ABLIM2: variants seen among roughly 807,000 people sequenced by gnomAD.
ABLIM2 encodes the protein actin-binding LIM protein 2.
In ABLIM2, 53 loss-of-function variants were observed where a neutral mutation model predicts 97.7. The observed-to-expected ratio is 0.54, with a 90% confidence interval of 0.44 to 0.68. The LOEUF (loss-of-function observed/expected upper bound fraction) is 0.68, where lower values mean the gene tolerates loss of function less well. Among genes scored for constraint, ABLIM2 ranks in the 30% least tolerant of loss-of-function variants. The pLI is 0.00. For synonymous variants in ABLIM2, 361 were observed against 345.8 expected, an observed-to-expected ratio of 1.04 and a Z score of -0.49; for missense variants, 835 against 867.2, an observed-to-expected ratio of 0.96 and a Z score of 0.47.
chr4:8,105,768 A>G (rs969874087), intron 2 of ABLIM2, among the ~76,000 whole-genome samples: 2 of 152,178 alleles, frequency 1.3e-5, no homozygotes, highest in Admixed American at 6.5e-5. Context: ...GACATCCATC[A>G]AATTGGTTTG....
chr4:8,115,124 G>A (rs780910172), intron 1 of ABLIM2, among the ~76,000 whole-genome samples: 112 of 152,164 alleles, frequency 7.4e-4, no homozygotes, highest in Non-Finnish European at 1.4e-3. Flanking sequence ...GGGCTTGTGT[G>A]CAGATGTGTG....
At chr4:8,109,087 G>A (rs1839006101) in intron 1 of ABLIM2, among the ~76,000 whole-genome samples, 2 of 152,270 alleles carry the variant, frequency 1.3e-5, no homozygotes, top group Non-Finnish European at 2.9e-5. Flanking sequence ...CCCGTGGAAG[G>A]AAGGGAGGCC....
At chr4:8,038,441 C>T (rs962170308) in intron 9 of ABLIM2, among the ~76,000 whole-genome samples, 2 of 152,148 alleles carry the variant, frequency 1.3e-5, no homozygotes, top group African/African-American at 4.8e-5. Context: ...CAATGTAAGC[C>T]CTCATTATGG....
chr4:7,978,431 T>C (rs1735303890), intron 20 of ABLIM2, among the ~76,000 whole-genome samples: 1 of 152,210 alleles, frequency 6.6e-6, no homozygotes, highest in Admixed American at 6.5e-5. Flanking sequence ...ATTTTACAAT[T>C]TTCATGTTGT....
At position 8,029,522 on chromosome 4, in the gene ABLIM2, C is replaced by T. The variant is rs563200691; in HGVS notation, c.1168+134G>A. 2.4e-5 allele frequency: 29 copies of T among 1,193,872 alleles called. No individual in the cohort carries two copies. In the Admixed American group the frequency reaches 9.7e-4, roughly 40 times the overall value. 74.0% of individuals were successfully genotyped at this position (1,193,872 alleles called of 1,614,324 possible). On this transcript the variant is annotated intron_variant, in intron 11 of 20. Coordinates refer to ENST00000447017, the MANE Select transcript of ABLIM2 (RefSeq NM_001130083.2). ...TCAGCCACCCACCCGCTGGCAATCC[C>T]ACCCATTTCCATCATATTTCCAGTT...
At chr4:8,007,861 G>T in intron 16 of ABLIM2, 198 bp downstream of exon 16, 1 of 1,383,792 alleles carries the variant, frequency 7.2e-7, no homozygotes, top group African/African-American at 1.5e-5. Flanking sequence ...ACACTGGCTC[G>T]GGGACAGTTC....
At chr4:8,008,525 G>T (rs1304701684) in intron 15 of ABLIM2, among the ~76,000 whole-genome samples, 1 of 152,204 alleles carries the variant, frequency 6.6e-6, no homozygotes, top group East Asian at 1.9e-4. Context: ...CCAGCCTCGG[G>T]CTCTCCCTAT....
Position 8,032,761 on chromosome 4 carries a change from A to C in ABLIM2, c.1048-2985T>G, listed in dbSNP as rs1387062296. Reference sequence around the variant, plus strand: ...GAGGGCAGTTCCGTGACTGGCAGGCAACACAGGCGCAAACACCCACACAGA... The same window carrying C: ...GAGGGCAGTTCCGTGACTGGCAGGCCACACAGGCGCAAACACCCACACAGA... On this transcript the variant is annotated intron_variant, in intron 10 of 20. Coordinates refer to ENST00000447017, the MANE Select transcript of ABLIM2 (RefSeq NM_001130083.2). This position sits in a 1 kb window ranked among gnomAD's most constrained non-coding sequence, Gnocchi z 4.3. The C allele has an allele frequency of 2.7e-6, 4 of 1,480,150 alleles. No individual in the cohort carries two copies. Among genetic ancestry groups the C allele is most frequent in the Non-Finnish European group, 3.8e-6 (4 of 1,062,014 alleles). The allele number at this position is 1,480,150 out of a possible 1,614,324, so 91.7% of individuals were successfully genotyped here.
chr4:8,100,749 G>GAAAAAAAAA (rs57318831), intron 2 of ABLIM2, among the ~76,000 whole-genome samples: 10 of 100,212 alleles, frequency 1.0e-4, no homozygotes, highest in Non-Finnish European at 1.3e-4. Flanking sequence ...TCCATCTCAG[G>GAAAAAAAAA]AAAAAAAAAA....
In ABLIM2 at chr4:8,061,766, C is replaced by T. The variant is rs1259870273; in HGVS notation, c.676-712G>A. 1.3e-5 allele frequency among the ~76,000 whole-genome samples: 2 copies of T among 152,034 alleles called. No homozygotes were observed. The highest frequency in any genetic ancestry group is 2.9e-5 in the Non-Finnish European group (2 of 68,012). ...CTATTGCTAAATGTGGATGCTAAATCCCCGTGGCTCATTCTTTCCTAAAAC... is the reference window on the plus strand; with the variant it reads ...CTATTGCTAAATGTGGATGCTAAATTCCCGTGGCTCATTCTTTCCTAAAAC... On this transcript the variant is annotated intron_variant, in intron 6 of 20. Coordinates refer to ENST00000447017, the MANE Select transcript of ABLIM2 (RefSeq NM_001130083.2). The surrounding 1 kb of genome is among the most constrained non-coding windows in gnomAD (Gnocchi z 4.5).
intron 2 of ABLIM2, among the ~76,000 whole-genome samples, chr4:8,102,846 C>A (rs879544782): frequency 6.6e-6 from 1 of 152,206 alleles, no homozygotes; most frequent in African/African-American, 2.4e-5. Flanking sequence ...CAGCCACGAG[C>A]CCCCCGTTCC....
chr4:8,096,697 G>A (rs1831776650), intron 3 of ABLIM2, among the ~76,000 whole-genome samples: 1 of 152,210 alleles, frequency 6.6e-6, no homozygotes, highest in Admixed American at 6.5e-5. Context: ...ATTTCCTCTG[G>A]GAGGAACGAG....
intron 1 of ABLIM2, among the ~76,000 whole-genome samples, chr4:8,138,816 A>T (rs1850540538): frequency 6.6e-6 from 1 of 152,260 alleles, no homozygotes; most frequent in African/African-American, 2.4e-5. Context: ...AGATTTCATG[A>T]CAAAAACATC....
At chr4:8,007,969 G>A in intron 16 of ABLIM2, 90 bp downstream of exon 16, 1 of 1,563,180 alleles carries the variant, frequency 6.4e-7, no homozygotes, top group Non-Finnish European at 8.7e-7. Context: ...GCAAGGCTTA[G>A]ATGTAGGGGG....
rs1434846272 is a variant in ABLIM2, at chr4:8,043,494, G to A, written c.900+1670C>T. On this transcript the variant is annotated intron_variant, in intron 9 of 20. Transcript: ENST00000447017. This position sits in a 1 kb window ranked among gnomAD's most constrained non-coding sequence, Gnocchi z 4.8. ...CAGAATGTGACTGCATTTGGATGCA[G>A]GGCCTTAAGAGAGGTCATCAAGTTA... Among the ~76,000 whole-genome samples, 1 of 152,168 alleles carries A rather than the reference G, an allele frequency of 6.6e-6. No individual in the cohort carries two copies. The highest frequency in any genetic ancestry group is 1.5e-5 in the Non-Finnish European group (1 of 68,036).
intron 1 of ABLIM2, among the ~76,000 whole-genome samples, chr4:8,135,179 T>C (rs891737080): frequency 1.3e-5 from 2 of 152,146 alleles, no homozygotes; most frequent in Non-Finnish European, 2.9e-5. Context: ...CATTCCAGAA[T>C]AAAAGCTACT....
Position 8,058,355 on chromosome 4 carries a change from G to A in ABLIM2, c.763+2612C>T, listed in dbSNP as rs1357864197. ...GTCCTGTCTGACATCACCCCGCTGGGTTCGGCCTGAGAAAGGCAGGCCTGT... is the reference window on the plus strand; with the variant it reads ...GTCCTGTCTGACATCACCCCGCTGGATTCGGCCTGAGAAAGGCAGGCCTGT... On this transcript the variant is annotated intron_variant, in intron 7 of 20. Coordinates refer to ENST00000447017, the MANE Select transcript of ABLIM2 (RefSeq NM_001130083.2). This position sits in a 1 kb window ranked among gnomAD's most constrained non-coding sequence, Gnocchi z 4.2. Among the ~76,000 whole-genome samples, 1 of 152,200 alleles carries A rather than the reference G, an allele frequency of 6.6e-6. No homozygotes were observed. Among genetic ancestry groups the A allele is most frequent in the Non-Finnish European group, 1.5e-5 (1 of 68,034 alleles).
Position 8,033,194 on chromosome 4 carries a change from A to G in ABLIM2, c.1047+2955T>C, listed in dbSNP as rs1201508062. On this transcript the variant is annotated intron_variant, in intron 10 of 20. Coordinates refer to ENST00000447017, the MANE Select transcript of ABLIM2 (RefSeq NM_001130083.2). This position sits in a 1 kb window ranked among gnomAD's most constrained non-coding sequence, Gnocchi z 4.5. ...TTCCCAGGCTGGCACCCCATCCACC[A>G]CCACCTGCACATATGTTCAGTGAGG... Among the ~76,000 whole-genome samples, 1 of 152,098 alleles carries G rather than the reference A, an allele frequency of 6.6e-6. No individual in the cohort carries two copies. The highest frequency in any genetic ancestry group is 1.5e-5 in the Non-Finnish European group (1 of 68,018).
At position 8,060,615 on chromosome 4, in the gene ABLIM2, G is replaced by A. The variant is rs73074078; in HGVS notation, c.763+352C>T. 4.0e-3 allele frequency among the ~76,000 whole-genome samples: 608 copies of A among 152,306 alleles called. 3 individuals carry two copies. Among genetic ancestry groups the A allele is most frequent in the African/African-American group, 0.014 (578 of 41,560 alleles). On this transcript the variant is annotated intron_variant, in intron 7 of 20. Coordinates refer to ENST00000447017, the MANE Select transcript of ABLIM2 (RefSeq NM_001130083.2). ...TAACTTGGACTCCCTGAGCTGGGGC[G>A]GCTTTCTAGAAGGGGCCTAAAGTGG...
Sources: gnomAD v4.1 joint callset for allele counts (sites outside exome capture counted in the v4.1 genomes callset) on GRCh38, gnomAD v4.1.1 for gene constraint, Gnocchi (gnomAD v3.1) non-coding constraint, MANE v1.5 for transcripts, NCBI Gene and HGNC (gene_info 2026-07-23, HGNC 2026-07-21) for gene names.